The following CD160 variants were observed in gnomAD, a reference collection of about 807,000 sequenced individuals.
The protein encoded by CD160 is CD160 antigen.
In CD160, 11 loss-of-function variants were observed where a neutral mutation model predicts 19.2. The observed-to-expected ratio is 0.57, with a 90% CI of 0.36 to 0.95. The LOEUF (loss-of-function observed/expected upper bound fraction) is 0.95, where lower values mean the gene tolerates loss of function less well. Ranked by LOEUF, CD160 falls within the 40% of genes least tolerant of loss-of-function variation. CD160 has a pLI of 0.01. For synonymous variants in CD160, 75 were observed against 81.1 expected (o/e 0.93, Z 0.40); for missense variants, 182 against 213.2 (o/e 0.85, Z 0.91).
At chr1:145,736,255 A>G in intron 5 of CD160, 121 bp downstream of exon 5, 1 of 1,563,664 alleles carries the variant, frequency 6.4e-7, no homozygotes, top group East Asian at 2.4e-5. Context: ...GAAAAATGTT[A>G]CTCAAGCCCT....
chr1:145,738,296 C>T (rs782287311), intron 5 of CD160, 190 bp from the exon 6 acceptor site: 10 of 379,470 alleles, frequency 2.6e-5, no homozygotes, highest in Admixed American at 4.5e-5. Context: ...ATCAGATTTG[C>T]TCAAGATTAC....
chr1:145,731,214 C>T (rs1571682672), intron 4 of CD160, 144 bp downstream of exon 4: 1 of 695,862 alleles, frequency 1.4e-6, no homozygotes, highest in African/African-American at 1.8e-5. Flanking sequence ...GCAGATGCTG[C>T]CTTTCTTCAA....
chr1:145,734,943 C>T (rs782506315), intron 4 of CD160, among the ~76,000 whole-genome samples: 1 of 151,940 alleles, frequency 6.6e-6, no homozygotes, highest in Non-Finnish European at 1.5e-5. Context: ...CCTGTCTCTA[C>T]TAAAAATACA....
At chr1:145,731,158 A>G in intron 4 of CD160, 88 bp downstream of exon 4, 1 of 1,041,558 alleles carries the variant, frequency 9.6e-7, no homozygotes, top group Non-Finnish European at 1.4e-6. Flanking sequence ...CAGGTCCTGG[A>G]AAGGCAGTTT....
rs1419813021 is a variant in CD160 at position 145,736,114 on chromosome 1, C to A, written c.518C>A (p.Thr173Asn). ...LQEKVWVMLVTSLVALQAL is the reference protein window; with the variant it reads ...LQEKVWVMLVNSLVALQAL ...GAAAAGGTCTGGGTAATGCTGGTCA[C>A]CAGCCTTGTGGCCCTTCAAGGTATG... The change falls in exon 5 of 6, where the codon ACC becomes AAC. Residue 173 changes from threonine to asparagine, a missense_variant. Transcript: ENST00000369288. 3 of 1,614,044 alleles carry A rather than the reference C, an allele frequency of 1.9e-6. No homozygotes were observed. Among genetic ancestry groups the A allele is most frequent in the Admixed American group, 1.7e-5 (1 of 59,996 alleles).
chr1:145,736,169 T>A (rs1553710134), intron 5 of CD160, 35 bp downstream of exon 5: 1 of 1,613,776 alleles, frequency 6.2e-7, no homozygotes, highest in East Asian at 2.2e-5. Context: ...CCCCAAGCAA[T>A]GAGGGTGCTA....
rs797033009 is a variant in CD160 at position 145,720,674 on chromosome 1, G to A, written c.-179+1115G>A. ...GTTAGATCCGGGCTCCGGTGGCAGA[G>A]GAAATGGAGACTCTTCCTTGCCCTC... On this transcript the variant is annotated intron_variant, in intron 1 of 5. Coordinates refer to ENST00000369288, the MANE Select transcript of CD160 (RefSeq NM_007053.4). Among the ~76,000 whole-genome samples the A allele has an allele frequency of 7.9e-5, 12 of 152,292 alleles. 1 individual carries two copies. Among genetic ancestry groups the A allele is most frequent in the African/African-American group, 2.9e-4 (12 of 41,542 alleles).
At chr1:145,724,198 T>C (rs894542116) in intron 1 of CD160, among the ~76,000 whole-genome samples, 1 of 152,222 alleles carries the variant, frequency 6.6e-6, no homozygotes, top group African/African-American at 2.4e-5. Flanking sequence ...CCTGAATACT[T>C]GTAAAACTGA....
chr1:145,731,618 C>T (rs1657297327), intron 4 of CD160, among the ~76,000 whole-genome samples: 1 of 152,030 alleles, frequency 6.6e-6, no homozygotes. Flanking sequence ...TGCAGTGAGC[C>T]GAGATTGTGC....
intron 5 of CD160, chr1:145,737,521 T>C (rs1657545054): frequency 6.6e-6 from 1 of 152,196 alleles, no homozygotes; most frequent in South Asian, 2.1e-4. Context: ...CTGTAATCCT[T>C]GGTAAGGATC....
chr1:145,735,367 C>G (rs1291792927), intron 4 of CD160, among the ~76,000 whole-genome samples: 2 of 152,026 alleles, frequency 1.3e-5, no homozygotes, highest in Non-Finnish European at 2.9e-5. Context: ...AGGTGCATCA[C>G]TTGAACCCAG....
rs1657608413 is a variant in CD160, at chr1:145,738,993, CAG to C, written c.*502_*503del. 1 of 154,184 alleles carries C rather than the reference CAG, an allele frequency of 6.5e-6. No homozygotes were observed. The highest frequency in any genetic ancestry group is 6.5e-5 in the Admixed American group (1 of 15,280). The allele number at this position is 154,184 out of a possible 1,614,324, so 9.6% of individuals were successfully genotyped here. A position where few individuals can be genotyped will look rare whatever the true frequency, so the allele number is the denominator to read the frequency against. ...GACTTGGCATGAAAATGAGAAAATG[CAG>C]ACAGACCTCAACATTCAACAACATC... On this transcript the variant is annotated 3_prime_UTR_variant, in exon 6 of 6. Coordinates refer to ENST00000369288, the MANE Select transcript of CD160 (RefSeq NM_007053.4).
chr1:145,738,651 G>A lies in CD160; in HGVS notation c.*158G>A, dbSNP rs1657593028. On this transcript the variant is annotated 3_prime_UTR_variant, in exon 6 of 6. Transcript: ENST00000369288. ...AGAATCTGTGGAAATATAAGCTGGG[G>A]CAAATCAGTGTAATCCTTGACTTTG... 4.3e-6 allele frequency: 2 copies of A among 464,064 alleles called. No homozygotes were observed. Among genetic ancestry groups the A allele is most frequent in the Non-Finnish European group, 7.4e-6 (2 of 270,642 alleles). The allele number at this position is 464,064 out of a possible 1,614,324, so 28.7% of individuals were successfully genotyped here.
At chr1:145,724,026 A>G (rs141730373) in intron 1 of CD160, among the ~76,000 whole-genome samples, 4 of 152,312 alleles carry the variant, frequency 2.6e-5, no homozygotes, top group Non-Finnish European at 4.4e-5. Context: ...TATAATGAGT[A>G]TTCCCCCAAA....
intron 4 of CD160, among the ~76,000 whole-genome samples, chr1:145,735,552 T>C (rs902855521): frequency 2.6e-5 from 4 of 152,094 alleles, no homozygotes; most frequent in African/African-American, 7.2e-5. Context: ...GCCACTGTAC[T>C]CTAGCCTGGA....
At chr1:145,735,029 C>G (rs1470787361) in intron 4 of CD160, among the ~76,000 whole-genome samples, 1 of 152,116 alleles carries the variant, frequency 6.6e-6, no homozygotes, top group Admixed American at 6.5e-5. Flanking sequence ...ATCACTTGAA[C>G]CCGGGAAGCA....
At chr1:145,733,177 G>A (rs587719333) in intron 4 of CD160, among the ~76,000 whole-genome samples, 37 of 151,250 alleles carry the variant, frequency 2.4e-4, no homozygotes, top group African/African-American at 8.0e-4. Flanking sequence ...TCTGTGGTCC[G>A]GGCTGGAGAG....
At chr1:145,727,560 T>C (rs1657098884) in intron 2 of CD160, among the ~76,000 whole-genome samples, 1 of 152,160 alleles carries the variant, frequency 6.6e-6, no homozygotes, top group Admixed American at 6.5e-5. Context: ...ATATGTTGTA[T>C]TTAATTACAT....
intron 4 of CD160, among the ~76,000 whole-genome samples, chr1:145,734,674 T>A (rs963144106): frequency 1.3e-5 from 2 of 152,218 alleles, no homozygotes; most frequent in African/African-American, 2.4e-5. Context: ...GTTTTAGTTG[T>A]GAAGATTCTC....
Sources: allele counts gnomAD v4.1 joint callset (sites outside exome capture counted in the v4.1 genomes callset), GRCh38; gene constraint gnomAD v4.1.1; transcripts MANE v1.5; gene names NCBI Gene and HGNC (gene_info 2026-07-23, HGNC 2026-07-21).